ZNF804B: variants seen among roughly 807,000 people sequenced by gnomAD.
ZNF804B encodes zinc finger 804B.
Under a neutral mutation model 101.4 loss-of-function variants are expected in ZNF804B, and 80 were observed. The ratio of observed to expected loss-of-function variants is 0.79; its 90% CI spans 0.66 to 0.95. ZNF804B has a LOEUF of 0.95. ZNF804B is among the 40% of genes least tolerant of loss of function. ZNF804B has a pLI of 0.00. For missense variants in ZNF804B, 1,673 were observed against 1,561.9 expected, an observed-to-expected ratio of 1.07 and a Z score of -1.20; for synonymous variants, 622 against 558.8, an observed-to-expected ratio of 1.11 and a Z score of -1.59.
In ZNF804B at chr7:89,335,476, TCA is replaced by T. The variant is rs1329399823; in HGVS notation, c.2497_2498del (p.Gln833AspfsTer8). 1.2e-6 allele frequency: 2 copies of T among 1,613,992 alleles called. No homozygotes were observed. The highest frequency in any genetic ancestry group is 1.7e-6 in the Non-Finnish European group (2 of 1,179,956). On this transcript the variant is annotated frameshift_variant, in exon 4 of 4. Transcript: ENST00000333190. LOFTEE classifies it high-confidence loss of function. Reference sequence around the variant, plus strand: ...GAGAATCATCTATTGTGATTCTAACTCACAGATTTCCTGTACTGGAAGCAGTA... The same window carrying T: ...GAGAATCATCTATTGTGATTCTAACTCAGATTTCCTGTACTGGAAGCAGTA... ...STRIIYCDSN[S>X]QISCTGSSKK...
At chr7:89,282,496 A>T (rs1375187965) in intron 2 of ZNF804B, among the ~76,000 whole-genome samples, 1 of 152,186 alleles carries the variant, frequency 6.6e-6, no homozygotes, top group Non-Finnish European at 1.5e-5. Flanking sequence ...TCAAAATAAA[A>T]TGCCAAAACA....
rs71120045 is a variant in ZNF804B at position 88,940,768 on chromosome 7, AAATAATAATAAT to A, written c.108+180713_108+180724del. Among the ~76,000 whole-genome samples the A allele has an allele frequency of 3.8e-3, 528 of 139,490 alleles. 8 individuals are homozygous for A. The East Asian group carries it at 0.047, about 13-fold the overall frequency. The allele number at this position is 139,490 out of a possible 152,430, so 91.5% of individuals were successfully genotyped here. The stretch of plus-strand genomic sequence containing the variant: ...GGGCAACAAAGTGGGACCCTATTTA[AAATAATAATAAT>A]AATAATAATAATAATAATAATAATA... On this transcript the variant is annotated intron_variant, in intron 1 of 3. Transcript: ENST00000333190.
chr7:89,245,818 G>C (rs1330758592), intron 2 of ZNF804B, among the ~76,000 whole-genome samples: 1 of 152,174 alleles, frequency 6.6e-6, no homozygotes, highest in African/African-American at 2.4e-5. Flanking sequence ...GCATCCAGCT[G>C]TTAAAAGTGA....
chr7:89,207,324 C>T (rs565853248), intron 1 of ZNF804B, among the ~76,000 whole-genome samples: 61 of 152,326 alleles, frequency 4.0e-4, no homozygotes, highest in African/African-American at 1.4e-3. Context: ...GCCTCACAAT[C>T]ATGACAGGAG....
At chr7:88,827,401 T>C (rs1791064987) in intron 1 of ZNF804B, among the ~76,000 whole-genome samples, 1 of 151,720 alleles carries the variant, frequency 6.6e-6, no homozygotes, top group South Asian at 2.1e-4. Context: ...CTTGTGCAAC[T>C]ATATATGTGT....
Position 89,260,026 on chromosome 7 carries a change from G to C in ZNF804B, c.249+41731G>C, listed in dbSNP as rs530343510. On this transcript the variant is annotated intron_variant, in intron 2 of 3. Transcript: ENST00000333190. Reference sequence around the variant, plus strand: ...AGAGAGAGGGAGAGAGGGAGAGAGGGAGAGAAAGAAAGAAAGGAAGGAAAG... The same window carrying C: ...AGAGAGAGGGAGAGAGGGAGAGAGGCAGAGAAAGAAAGAAAGGAAGGAAAG... 1.8e-4 allele frequency among the ~76,000 whole-genome samples: 28 copies of C among 152,174 alleles called. No individual in the cohort carries two copies. The South Asian group carries it at 5.6e-3, about 30-fold the overall frequency.
At chr7:89,059,490 G>A (rs532747067) in intron 1 of ZNF804B, among the ~76,000 whole-genome samples, 1 of 152,084 alleles carries the variant, frequency 6.6e-6, no homozygotes, top group African/African-American at 2.4e-5. Flanking sequence ...CAGATCCTAA[G>A]TGAACTGAGC....
At chr7:88,954,419 C>T (rs1793271255) in intron 1 of ZNF804B, among the ~76,000 whole-genome samples, 1 of 151,610 alleles carries the variant, frequency 6.6e-6, no homozygotes, top group Non-Finnish European at 1.5e-5. Context: ...ATTCATATTG[C>T]TCATTGTTTT....
chr7:89,165,558 G>C (rs1791129756), intron 1 of ZNF804B, among the ~76,000 whole-genome samples: 1 of 152,040 alleles, frequency 6.6e-6, no homozygotes, highest in Admixed American at 6.6e-5. Context: ...TAAGATAGGA[G>C]TTTTAGCATG....
chr7:89,170,539 G>T (rs757457669), intron 1 of ZNF804B, among the ~76,000 whole-genome samples: 8 of 152,166 alleles, frequency 5.3e-5, no homozygotes, highest in Non-Finnish European at 1.0e-4. Context: ...GTAGGGAGAA[G>T]TATTGGACAG....
intron 2 of ZNF804B, among the ~76,000 whole-genome samples, chr7:89,290,641 A>C (rs1208888): frequency 0.59 from 88,945 of 151,882 alleles, 27,892 homozygotes; most frequent in African/African-American, 0.79. Context: ...GGCTCCTTTG[A>C]CTGTAGAAAG....
chr7:88,866,311 T>C (rs887711029), intron 1 of ZNF804B, among the ~76,000 whole-genome samples: 2 of 152,214 alleles, frequency 1.3e-5, no homozygotes, highest in African/African-American at 4.8e-5. Flanking sequence ...TGACTTTGTT[T>C]CTTTTCCATC....
At chr7:89,287,837 G>A (rs1433125869) in intron 2 of ZNF804B, among the ~76,000 whole-genome samples, 1 of 151,926 alleles carries the variant, frequency 6.6e-6, no homozygotes, top group Non-Finnish European at 1.5e-5. Flanking sequence ...CAAATATCTA[G>A]CAGTAAGAAC....
intron 1 of ZNF804B, among the ~76,000 whole-genome samples, chr7:89,199,455 G>A (rs2040687): frequency 0.74 from 112,716 of 151,868 alleles, 42,913 homozygotes; most frequent in African/African-American, 0.87. Context: ...TAGGAAATAT[G>A]AACAAATTAA....
intron 1 of ZNF804B, among the ~76,000 whole-genome samples, chr7:88,911,489 A>G (rs778321228): frequency 6.7e-6 from 1 of 148,864 alleles, no homozygotes; most frequent in Non-Finnish European, 1.5e-5. Flanking sequence ...ATTTATATTT[A>G]TACCAACATT....
At chr7:88,828,146 T>A (rs565182150) in intron 1 of ZNF804B, among the ~76,000 whole-genome samples, 4 of 152,272 alleles carry the variant, frequency 2.6e-5, no homozygotes, top group Non-Finnish European at 4.4e-5. Context: ...TGCACTCTAA[T>A]GCTTTCTGAT....
At chr7:88,855,674 T>C (rs1791544225) in intron 1 of ZNF804B, among the ~76,000 whole-genome samples, 1 of 152,246 alleles carries the variant, frequency 6.6e-6, no homozygotes, top group Non-Finnish European at 1.5e-5. Flanking sequence ...CATGAAGTCC[T>C]TGCCCATGCC....
At chr7:89,149,632 A>T (rs913874201) in intron 1 of ZNF804B, among the ~76,000 whole-genome samples, 3 of 152,024 alleles carry the variant, frequency 2.0e-5, no homozygotes, top group Non-Finnish European at 2.9e-5. Flanking sequence ...TTGAGATAAG[A>T]GTTTCATTAC....
Position 89,334,252 on chromosome 7 carries a change from G to C in ZNF804B, c.1270G>C (p.Val424Leu). ...TAAAACAGAAAGAGTTAGCAAAAAT[G>C]TTCAAAGACTTGTAAAAGAAGCATG... ...LDKTERVSKN[V>L]QRLVKEACTH... is the part of the protein sequence containing the mutation. Residue 424 changes from valine (V) to leucine (L), a missense_variant, in exon 4 of 4, where the codon GTT (valine) becomes CTT (leucine). Val to Leu is a conservative substitution (Grantham distance 32, BLOSUM62 1). Transcript: ENST00000333190. 1.2e-6 allele frequency: 2 copies of C among 1,613,668 alleles called. No individual in the cohort carries two copies. The highest frequency in any genetic ancestry group is 2.2e-5 in the South Asian group (2 of 91,080).
Sources: gnomAD v4.1 joint callset for allele counts (sites outside exome capture counted in the v4.1 genomes callset) on GRCh38, gnomAD v4.1.1 for gene constraint, MANE v1.5 for transcripts, NCBI Gene and HGNC (gene_info 2026-07-23, HGNC 2026-07-21) for gene names.